The following ZC3H4 variants were observed in gnomAD, a reference collection of about 807,000 sequenced individuals.
ZC3H4 encodes the protein zinc finger CCCH domain-containing protein 4.
In ZC3H4, 13 loss-of-function variants were observed where a neutral mutation model predicts 108.3. That is an observed-to-expected ratio of 0.12 (90% CI 0.08 to 0.19). The LOEUF (loss-of-function observed/expected upper bound fraction) is 0.19. ZC3H4 is among the 10% of genes least tolerant of loss of function. The probability of loss-of-function intolerance (pLI) is 1.00; values close to 1 mark genes in which losing one functional copy is unlikely to be tolerated. For missense variants in ZC3H4, 1,734 were observed against 1,838.8 expected (o/e 0.94, Z 1.04); for synonymous variants, 917 against 749.6 (o/e 1.22, Z -3.65).
chr19:47,074,101 A>C (rs890672755), intron 11 of ZC3H4, among the ~76,000 whole-genome samples: 2 of 152,112 alleles, frequency 1.3e-5, no homozygotes, highest in Non-Finnish European at 2.9e-5. Flanking sequence ...ATGAGCAGCC[A>C]AGCTCTCCCC....
intron 4 of ZC3H4, 45 bp from the exon 5 acceptor site, chr19:47,090,234 C>A (rs1280429936): frequency 2.5e-6 from 4 of 1,607,242 alleles, no homozygotes; most frequent in Non-Finnish European, 3.4e-6. Context: ...GATCCCACAG[C>A]CGTGGGTGCA....
chr19:47,112,839 G>GCC (rs143671586), intron 1 of ZC3H4, among the ~76,000 whole-genome samples: 1,527 of 148,046 alleles, frequency 0.01, 20 homozygotes, highest in African/African-American at 0.036. Context: ...AGGGGCGAGA[G>GCC]CCCCCCCCCC....
chr19:47,076,254 C>T (rs541937394), intron 11 of ZC3H4, among the ~76,000 whole-genome samples: 6 of 152,316 alleles, frequency 3.9e-5, no homozygotes, highest in South Asian at 4.1e-4. Flanking sequence ...CTTGCAACAA[C>T]GGGTGAACCT....
chr19:47,102,577 A>G (rs2057916938), intron 2 of ZC3H4, among the ~76,000 whole-genome samples: 2 of 152,208 alleles, frequency 1.3e-5, no homozygotes, highest in Non-Finnish European at 2.9e-5. Context: ...CCATGAGGCC[A>G]TGTAACACAA....
intron 3 of ZC3H4, 21 bp from the exon 4 acceptor site, chr19:47,094,101 G>A (rs1157374499): frequency 1.2e-6 from 2 of 1,610,624 alleles, no homozygotes; most frequent in Middle Eastern, 1.7e-4. Context: ...AGGGGAAGGA[G>A]ACTCAGCAAC....
At chr19:47,076,885 C>G (rs2057431379) in intron 11 of ZC3H4, among the ~76,000 whole-genome samples, 1 of 151,996 alleles carries the variant, frequency 6.6e-6, no homozygotes, top group Non-Finnish European at 1.5e-5. Context: ...CCCAGCTACT[C>G]AGGAGGCTGA....
chr19:47,072,352 C>T lies in ZC3H4; in HGVS notation c.1802G>A (p.Arg601Lys). The T allele has an allele frequency of 6.2e-7, 1 of 1,612,602 alleles. No individual in the cohort carries two copies. The highest frequency in any genetic ancestry group is 8.5e-7 in the Non-Finnish European group (1 of 1,179,592). The change falls in exon 12 of 15, where the codon AGG becomes AAG. Residue 601 changes from arginine to lysine, a missense_variant and splice_region_variant. Around this residue, in one of 9 missense-constraint regions of ZC3H4, gnomAD observed 12 missense variants for 36.4 expected, o/e 0.33. Coordinates refer to ENST00000253048, the MANE Select transcript of ZC3H4 (RefSeq NM_015168.2). This position sits in a 1 kb window ranked among gnomAD's most constrained non-coding sequence, Gnocchi z 5.6. Reference protein sequence around the residue: ...TGQLAEKLGVRFPGPGGPPGP... With the variant: ...TGQLAEKLGVKFPGPGGPPGP... ...TGTCACGGGGGTCCAGGGCACTCACCTCACACCCAGCTTCTCAGCCAGCTG... is the reference window on the plus strand; with the variant it reads ...TGTCACGGGGGTCCAGGGCACTCACTTCACACCCAGCTTCTCAGCCAGCTG...
chr19:47,076,577 C>T (rs773016665), intron 11 of ZC3H4, among the ~76,000 whole-genome samples: 48 of 152,194 alleles, frequency 3.2e-4, no homozygotes, highest in Non-Finnish European at 5.1e-4. Flanking sequence ...AGAACCAGGC[C>T]AAGCGCAGTG....
At chr19:47,081,718 A>G in intron 10 of ZC3H4, 96 bp from the exon 11 acceptor site, 2 of 1,110,646 alleles carry the variant, frequency 1.8e-6, no homozygotes, top group Non-Finnish European at 2.7e-6. Flanking sequence ...TGTTTTGGAG[A>G]TAAGAAATCT....
chr19:47,072,248 G>C lies in ZC3H4; in HGVS notation c.1802+104C>G. 1 of 1,415,310 alleles carries C rather than the reference G, an allele frequency of 7.1e-7. No homozygotes were observed. 87.7% of individuals were successfully genotyped at this position (1,415,310 alleles called of 1,614,324 possible). On this transcript the variant is annotated intron_variant, in intron 12 of 14. Coordinates refer to ENST00000253048, the MANE Select transcript of ZC3H4 (RefSeq NM_015168.2). This position sits in a 1 kb window ranked among gnomAD's most constrained non-coding sequence, Gnocchi z 5.6. ...CCAGACCAGGACTCCCACAGCTGGG[G>C]AGAGAGGCAGGACTCTCCCACAGCC...
rs780258531 is a variant in ZC3H4, at chr19:47,066,865, C to T, written c.3403G>A (p.Gly1135Arg). The change falls in exon 15 of 15, where the codon GGA becomes AGA. Residue 1135 changes from glycine to arginine, a missense_variant. Physicochemically the swap from Gly to Arg is moderately radical, Grantham distance 125. Transcript: ENST00000253048. Reference sequence around the variant, plus strand: ...AGCACACTGCTCTGCCCGCCCCCTCCGCCCTGGCCCAGTCCACCGGCCGCC... The same window carrying T: ...AGCACACTGCTCTGCCCGCCCCCTCTGCCCTGGCCCAGTCCACCGGCCGCC... ...VLAAGGLGQG[G>R]GGGQSSVLSG... The T allele has an allele frequency of 7.4e-5, 118 of 1,598,634 alleles. 2 individuals carry two copies. The Admixed American group carries it at 1.1e-3, about 15-fold the overall frequency.
chr19:47,090,217 T>A, intron 4 of ZC3H4, 28 bp from the exon 5 acceptor site: 1 of 1,612,914 alleles, frequency 6.2e-7, no homozygotes, highest in South Asian at 1.1e-5. Context: ...GGAAAAGAGG[T>A]GAGCCGGATC....
intron 14 of ZC3H4, among the ~76,000 whole-genome samples, chr19:47,068,546 C>T (rs931771957): frequency 2.0e-5 from 3 of 152,198 alleles, no homozygotes; most frequent in Admixed American, 2.0e-4. Context: ...GGAGCGGCCC[C>T]TCCTCCTGCT....
chr19:47,112,081 C>T (rs1033911163), intron 2 of ZC3H4: 1 of 1,004,026 alleles, frequency 1.0e-6, no homozygotes, highest in South Asian at 4.7e-5. Flanking sequence ...CTCCGCAGCA[C>T]CCCCCACGGC....
intron 2 of ZC3H4, among the ~76,000 whole-genome samples, chr19:47,111,381 G>A (rs922899679): frequency 6.6e-6 from 1 of 152,148 alleles, no homozygotes; most frequent in South Asian, 2.1e-4. Flanking sequence ...ACTTAATAAA[G>A]AGAAGGGGGC....
At chr19:47,087,297 CA>C (rs113461090) in intron 5 of ZC3H4, among the ~76,000 whole-genome samples, 3,978 of 146,590 alleles carry the variant, frequency 0.027, 198 homozygotes, top group African/African-American at 0.097. Flanking sequence ...CACACACACA[CA>C]AAAAAAAACC....
intron 2 of ZC3H4, among the ~76,000 whole-genome samples, chr19:47,102,614 TA>T (rs1249008933): frequency 3.3e-5 from 5 of 152,078 alleles, no homozygotes; most frequent in Non-Finnish European, 7.4e-5. Context: ...TTGCCCAGAA[TA>T]AATGCTTAGG....
chr19:47,067,057 G>C lies in ZC3H4; in HGVS notation c.3211C>G (p.Pro1071Ala). 1 of 1,608,256 alleles carries C rather than the reference G, an allele frequency of 6.2e-7. No individual in the cohort carries two copies. Among genetic ancestry groups the C allele is most frequent in the Non-Finnish European group, 8.5e-7 (1 of 1,177,406 alleles). The change falls in exon 15 of 15, where the codon CCC becomes GCC. Residue 1071 changes from proline to alanine, a missense_variant. Transcript: ENST00000253048. The surrounding 1 kb of genome is among the most constrained non-coding windows in gnomAD (Gnocchi z 6.4). Reference sequence around the variant, plus strand: ...TCGGTGGGGGCCTTCCGCACCCGGGGGTCACTGGGTTTGTCGCTGGAACCG... The same window carrying C: ...TCGGTGGGGGCCTTCCGCACCCGGGCGTCACTGGGTTTGTCGCTGGAACCG... ...APGSSDKPSD[P>A]RVRKAPTDPR...
intron 2 of ZC3H4, among the ~76,000 whole-genome samples, chr19:47,109,595 C>T (rs2058011102): frequency 6.6e-6 from 1 of 152,126 alleles, no homozygotes; most frequent in African/African-American, 2.4e-5. Flanking sequence ...TGCAGGATAT[C>T]GTAGTTTGGA....
Sources: gnomAD v4.1 joint callset for allele counts (sites outside exome capture counted in the v4.1 genomes callset) on GRCh38, gnomAD v4.1.1 for gene constraint, gnomAD v4.1.1 regional missense constraint, Gnocchi (gnomAD v3.1) non-coding constraint, MANE v1.5 for transcripts, NCBI Gene and HGNC (gene_info 2026-07-23, HGNC 2026-07-21) for gene names.